The following ATRNL1 variants were observed in gnomAD, a reference collection of about 807,000 sequenced individuals.
ATRNL1 encodes the protein attractin like 1, also known as attractin-like protein 1.
ATRNL1 carries 95 observed loss-of-function variants against 182.7 expected under a neutral mutation model. The ratio of observed to expected loss-of-function variants is 0.52; its 90% confidence interval spans 0.44 to 0.62. The LOEUF is 0.62. Ranked by LOEUF, ATRNL1 falls within the 20% of genes least tolerant of loss-of-function variation. The pLI is 0.00. For missense variants in ATRNL1, 1,471 were observed against 1,679.5 expected (o/e 0.88, Z 2.17); for synonymous variants, 576 against 568.3 (o/e 1.01, Z -0.19).
intron 8 of ATRNL1, among the ~76,000 whole-genome samples, chr10:115,174,865 T>A (rs1327807310): frequency 6.6e-6 from 1 of 151,966 alleles, no homozygotes; most frequent in Non-Finnish European, 1.5e-5. Context: ...ATAGTTTTTT[T>A]TTGGACATTA....
chr10:115,584,340 G>T (rs1555009059), intron 26 of ATRNL1, among the ~76,000 whole-genome samples: 1 of 124,880 alleles, frequency 8.0e-6, no homozygotes, highest in Non-Finnish European at 1.8e-5. Context: ...GTTCCTCCTT[G>T]TACCTCTGGT....
chr10:115,232,776 T>C (rs182123520), intron 9 of ATRNL1, among the ~76,000 whole-genome samples: 1 of 152,264 alleles, frequency 6.6e-6, no homozygotes, highest in South Asian at 2.1e-4. Context: ...ATTCCATTAG[T>C]GGTCTGCAAT....
At chr10:115,564,079 T>C (rs1259801919) in intron 26 of ATRNL1, among the ~76,000 whole-genome samples, 1 of 152,048 alleles carries the variant, frequency 6.6e-6, no homozygotes, top group African/African-American at 2.4e-5. Context: ...ATAGTATATT[T>C]ATTTATTTTT....
chr10:115,942,510 C>A (rs1555124517), intron 28 of ATRNL1, among the ~76,000 whole-genome samples: 21 of 152,222 alleles, frequency 1.4e-4, no homozygotes. Flanking sequence ...GGCTAGTTTG[C>A]TTTCCTCTTA....
chr10:115,137,433 C>T (rs1845564456), intron 5 of ATRNL1, among the ~76,000 whole-genome samples: 1 of 152,198 alleles, frequency 6.6e-6, no homozygotes, highest in Admixed American at 6.5e-5. Flanking sequence ...CTGTATTAGT[C>T]TGTTTTATGC....
At position 115,751,799 on chromosome 10, in the gene ATRNL1, A is replaced by C. The variant is rs190514531; in HGVS notation, c.3903+24444A>C. Among the ~76,000 whole-genome samples the C allele has an allele frequency of 5.9e-5, 9 of 152,188 alleles. No homozygotes were observed. The East Asian group carries it at 1.7e-3, about 29-fold the overall frequency. ...ACAAATGTATGTTACTATTTGACGA[A>C]GAAGAGGGAGAATATAAGTATACCT... On this transcript the variant is annotated intron_variant, in intron 27 of 28. Transcript: ENST00000355044.
chr10:115,653,393 A>G (rs988866344), intron 26 of ATRNL1, among the ~76,000 whole-genome samples: 1 of 152,108 alleles, frequency 6.6e-6, no homozygotes, highest in East Asian at 1.9e-4. Context: ...CTATCTCTCA[A>G]TGTGACTTCT....
intron 20 of ATRNL1, among the ~76,000 whole-genome samples, chr10:115,412,988 A>G (rs1222537322): frequency 2.0e-5 from 3 of 152,184 alleles, no homozygotes; most frequent in Admixed American, 1.3e-4. Flanking sequence ...TCTTGATTCC[A>G]GATCATATTA....
chr10:115,335,066 C>G (rs542112275), intron 19 of ATRNL1, among the ~76,000 whole-genome samples: 31 of 152,258 alleles, frequency 2.0e-4, no homozygotes, highest in African/African-American at 7.5e-4. Flanking sequence ...TAAATGCTAG[C>G]CATAATCATC....
At chr10:115,119,582 C>A (rs1025528167) in intron 1 of ATRNL1, among the ~76,000 whole-genome samples, 13 of 151,536 alleles carry the variant, frequency 8.6e-5, no homozygotes, top group African/African-American at 3.1e-4. Flanking sequence ...ATATCTTTTT[C>A]TTTTTTATGC....
chr10:115,697,766 C>G (rs1405597247), intron 26 of ATRNL1, among the ~76,000 whole-genome samples: 1 of 151,916 alleles, frequency 6.6e-6, no homozygotes, highest in Non-Finnish European at 1.5e-5. Flanking sequence ...ATCTTAATGC[C>G]TCTCTTAATG....
At chr10:115,769,193 G>A (rs1240436473) in intron 27 of ATRNL1, among the ~76,000 whole-genome samples, 1 of 152,108 alleles carries the variant, frequency 6.6e-6, no homozygotes, top group Non-Finnish European at 1.5e-5. Flanking sequence ...TAAAAGTAAT[G>A]TATGGAGGCT....
At chr10:115,781,119 G>A (rs985703693) in intron 27 of ATRNL1, among the ~76,000 whole-genome samples, 1 of 152,152 alleles carries the variant, frequency 6.6e-6, no homozygotes, top group African/African-American at 2.4e-5. Flanking sequence ...ACTTCATTTA[G>A]TCATCAGAGA....
intron 27 of ATRNL1, among the ~76,000 whole-genome samples, chr10:115,808,570 C>A (rs541706348): frequency 3.9e-5 from 6 of 152,224 alleles, no homozygotes; most frequent in African/African-American, 1.4e-4. Flanking sequence ...GATTGTATGG[C>A]TAGGTATATG....
intron 27 of ATRNL1, among the ~76,000 whole-genome samples, chr10:115,817,182 A>T (rs1437692735): frequency 6.6e-6 from 1 of 152,044 alleles, no homozygotes; most frequent in Non-Finnish European, 1.5e-5. Context: ...CATTAAAACC[A>T]AGAATTTAAG....
intron 27 of ATRNL1, among the ~76,000 whole-genome samples, chr10:115,777,449 G>A (rs1555078243): frequency 6.6e-6 from 1 of 152,050 alleles, no homozygotes; most frequent in East Asian, 1.9e-4. Context: ...ATCAAGAAAT[G>A]TAAAGTCTTG....
At chr10:115,137,210 A>T (rs1187391144) in intron 5 of ATRNL1, among the ~76,000 whole-genome samples, 6 of 152,158 alleles carry the variant, frequency 3.9e-5, no homozygotes, top group African/African-American at 7.2e-5. Flanking sequence ...AATCTGAATG[A>T]TGGGAGGTCT....
chr10:115,520,602 G>A (rs1342362142), intron 25 of ATRNL1, among the ~76,000 whole-genome samples: 2 of 152,156 alleles, frequency 1.3e-5, no homozygotes, highest in Non-Finnish European at 2.9e-5. Flanking sequence ...TTAATGACAG[G>A]AAGCTCACTA....
At chr10:115,648,367 T>A (rs1409849311) in intron 26 of ATRNL1, among the ~76,000 whole-genome samples, 4 of 152,142 alleles carry the variant, frequency 2.6e-5, no homozygotes, top group African/African-American at 9.7e-5. Flanking sequence ...ACCATGAAAA[T>A]GGCCATACTG....
Sources: allele counts gnomAD v4.1 joint callset (sites outside exome capture counted in the v4.1 genomes callset), GRCh38; gene constraint gnomAD v4.1.1; transcripts MANE v1.5; gene names NCBI Gene and HGNC (gene_info 2026-07-23, HGNC 2026-07-21).